Variants in CDH7 observed in about 807,000 individuals in gnomAD.
CDH7 encodes cadherin 7, also known as cadherin-7.
In CDH7, 25 loss-of-function variants were observed where a neutral mutation model predicts 71.8. The observed-to-expected ratio is 0.35, with a 90% confidence interval of 0.25 to 0.49. The LOEUF is 0.49. CDH7 is among the 20% of genes least tolerant of loss of function. The pLI, the probability that CDH7 is intolerant of heterozygous loss-of-function variation, is 0.99. For synonymous variants in CDH7, 381 were observed against 363.8 expected, an observed-to-expected ratio of 1.05 and a Z score of -0.54; for missense variants, 862 against 974.6, an observed-to-expected ratio of 0.88 and a Z score of 1.54.
At chr18:65,857,331 T>C (rs1489280675) in intron 7 of CDH7, among the ~76,000 whole-genome samples, 1 of 141,704 alleles carries the variant, frequency 7.1e-6, no homozygotes, top group Non-Finnish European at 1.5e-5. Context: ...ATAATAATAA[T>C]AATAATAATA....
In CDH7 at chr18:65,811,539, C is replaced by T. The variant is rs569567410; in HGVS notation, c.505+1541C>T. On this transcript the variant is annotated intron_variant, in intron 3 of 11. Transcript: ENST00000397968. ...ATTCACACTTCCTCACTACCGTCCA[C>T]ACCTTCCAAGTGCTTCCTGCTGCTC... is the stretch of plus-strand genomic sequence containing the variant. Among the ~76,000 whole-genome samples the T allele has an allele frequency of 1.2e-3, 184 of 152,296 alleles. 1 individual carries two copies. The highest frequency in any genetic ancestry group is 4.3e-3 in the African/African-American group (179 of 41,546).
intron 2 of CDH7, among the ~76,000 whole-genome samples, chr18:65,800,334 C>A (rs763640927): frequency 1.1e-4 from 17 of 152,162 alleles, no homozygotes; most frequent in East Asian, 1.9e-4. Flanking sequence ...CCGCCTTAGC[C>A]TCCCAGAGTG....
Position 65,881,123 on chromosome 18 carries a change from T to G in CDH7, c.*229T>G, listed in dbSNP as rs1914218575. Reference sequence around the variant, plus strand: ...GCACTGACCACAGACTCTGAGCATTTGAAGGTTTTTTGATAAAAATAAATG... The same window carrying G: ...GCACTGACCACAGACTCTGAGCATTGGAAGGTTTTTTGATAAAAATAAATG... On this transcript the variant is annotated 3_prime_UTR_variant, in exon 12 of 12. Transcript: ENST00000397968. The G allele has an allele frequency of 2.5e-6, 1 of 399,934 alleles. No individual in the cohort carries two copies. Among genetic ancestry groups the G allele is most frequent in the South Asian group, 5.8e-5 (1 of 17,356 alleles). The allele number at this position is 399,934 out of a possible 1,614,324, so 24.8% of individuals were successfully genotyped here. A position where few individuals can be genotyped will look rare whatever the true frequency, so the allele number is the denominator to read the frequency against.
intron 11 of CDH7, among the ~76,000 whole-genome samples, chr18:65,864,676 C>T (rs1278697531): frequency 6.6e-6 from 1 of 151,484 alleles, no homozygotes; most frequent in Non-Finnish European, 1.5e-5. Context: ...ATCATGAGGT[C>T]AGGAGATCAA....
Position 65,883,633 on chromosome 18 carries a change from G to A in CDH7, c.*2739G>A, listed in dbSNP as rs1009921973. 2.6e-5 allele frequency: 4 copies of A among 152,052 alleles called. No individual in the cohort carries two copies. The highest frequency in any genetic ancestry group is 4.4e-5 in the Non-Finnish European group (3 of 67,960). The allele number at this position is 152,052 out of a possible 1,614,324, so 9.4% of individuals were successfully genotyped here. On this transcript the variant is annotated 3_prime_UTR_variant, in exon 12 of 12. Transcript: ENST00000397968. ...TACAGTGATATCATTTTGGTAGGTT[G>A]ATGTCAGCCTTGGTGGGATTATTTA...
chr18:65,825,792 C>G (rs1599033035), intron 6 of CDH7, among the ~76,000 whole-genome samples: 1 of 151,814 alleles, frequency 6.6e-6, no homozygotes, highest in Non-Finnish European at 1.5e-5. Flanking sequence ...CAGTGGACAG[C>G]TGCTGTTTTA....
rs139639769 is a variant in CDH7, at chr18:65,819,231, C to T, written c.626-2850C>T. 2.0e-3 allele frequency among the ~76,000 whole-genome samples: 309 copies of T among 152,194 alleles called. 3 individuals are homozygous for T. Among genetic ancestry groups the T allele is most frequent in the African/African-American group, 7.1e-3 (294 of 41,538 alleles). On this transcript the variant is annotated intron_variant, in intron 4 of 11. Coordinates refer to ENST00000397968, the MANE Select transcript of CDH7 (RefSeq NM_004361.5). ...TCCTAGAAATTTCAAAATAATCTAC[C>T]CCTCAATCTGCATTGACCCACTCCT...
chr18:65,776,494 C>T (rs534312396), intron 2 of CDH7, among the ~76,000 whole-genome samples: 2 of 151,910 alleles, frequency 1.3e-5, no homozygotes, highest in South Asian at 2.1e-4. Context: ...TAATGAAATC[C>T]TTGAGAGTTT....
At chr18:65,762,150 C>CTCA (rs1252095459) in intron 1 of CDH7, among the ~76,000 whole-genome samples, 2 of 152,142 alleles carry the variant, frequency 1.3e-5, no homozygotes, top group Non-Finnish European at 2.9e-5. Context: ...TTTGCATCAC[C>CTCA]TCATACTTCT....
chr18:65,771,905 T>G (rs8092259), intron 2 of CDH7, among the ~76,000 whole-genome samples: 66,893 of 151,852 alleles, frequency 0.44, 17,500 homozygotes, highest in African/African-American at 0.74. Context: ...TTTGTCTTTT[T>G]TAAGATAAAT....
At chr18:65,794,757 G>A (rs1046578579) in intron 2 of CDH7, among the ~76,000 whole-genome samples, 2 of 152,080 alleles carry the variant, frequency 1.3e-5, no homozygotes, top group African/African-American at 4.8e-5. Context: ...GGGCGGTGTG[G>A]GGGGTGAGAA....
intron 2 of CDH7, among the ~76,000 whole-genome samples, chr18:65,788,544 A>G (rs2143851244): frequency 6.6e-6 from 1 of 152,292 alleles, no homozygotes; most frequent in East Asian, 1.9e-4. Flanking sequence ...GTTTATAGAT[A>G]ATCACTTCAG....
In CDH7 at chr18:65,887,141, TATG is replaced by T. The variant is rs1914392376; in HGVS notation, c.*6250_*6252del. 6.6e-6 allele frequency: 1 copy of T among 152,178 alleles called. No individual in the cohort carries two copies. Among genetic ancestry groups the T allele is most frequent in the Non-Finnish European group, 1.5e-5 (1 of 68,012 alleles). 9.4% of individuals were successfully genotyped at this position (152,178 alleles called of 1,614,324 possible). Reference sequence around the variant, plus strand: ...GGTTTATATAAGCAGGAAAAACTTATATGATTCACTACCCTACAGCTTCATGTT... The same window carrying T: ...GGTTTATATAAGCAGGAAAAACTTATATTCACTACCCTACAGCTTCATGTT... On this transcript the variant is annotated 3_prime_UTR_variant, in exon 12 of 12. Transcript: ENST00000397968.
chr18:65,865,160 T>A (rs1371526695), intron 11 of CDH7: 2 of 152,168 alleles, frequency 1.3e-5, no homozygotes, highest in Non-Finnish European at 2.9e-5. Flanking sequence ...ACTTTCAACT[T>A]TGACTTTGGG....
intron 11 of CDH7, among the ~76,000 whole-genome samples, chr18:65,877,734 C>T (rs552858867): frequency 6.6e-6 from 1 of 152,152 alleles, no homozygotes; most frequent in Non-Finnish European, 1.5e-5. Context: ...ACTAAGAAGT[C>T]CTACTGGGTT....
intron 9 of CDH7, 75 bp from the exon 10 acceptor site, chr18:65,859,633 A>G: frequency 1.2e-6 from 1 of 844,868 alleles, no homozygotes; most frequent in Non-Finnish European, 2.0e-6. Context: ...AAAGTGTAAA[A>G]TTGCTTTGTC....
chr18:65,775,580 C>A (rs1009527363), intron 2 of CDH7, among the ~76,000 whole-genome samples: 1 of 152,130 alleles, frequency 6.6e-6, no homozygotes, highest in African/African-American at 2.4e-5. Flanking sequence ...AATCTTTTGT[C>A]TTCCTTGGAC....
chr18:65,828,343 T>C (rs1912207973), intron 6 of CDH7, among the ~76,000 whole-genome samples: 1 of 152,104 alleles, frequency 6.6e-6, no homozygotes, highest in African/African-American at 2.4e-5. Flanking sequence ...TTGCTTATAG[T>C]GTTACACAGT....
At chr18:65,823,620 A>G (rs1207743908) in intron 5 of CDH7, among the ~76,000 whole-genome samples, 4 of 151,972 alleles carry the variant, frequency 2.6e-5, no homozygotes, top group Admixed American at 6.6e-5. Context: ...GGGTCACTCA[A>G]AAGTAATAGC....
Sources: allele counts gnomAD v4.1 joint callset (sites outside exome capture counted in the v4.1 genomes callset), GRCh38; gene constraint gnomAD v4.1.1; transcripts MANE v1.5; gene names NCBI Gene and HGNC (gene_info 2026-07-23, HGNC 2026-07-21).